Variants in STK32A observed in about 807,000 individuals in gnomAD.
STK32A encodes the protein serine/threonine-protein kinase 32A.
A neutral mutation model predicts 53.2 loss-of-function variants in STK32A; 41 were observed. The observed-to-expected ratio is 0.77, with a 90% CI of 0.60 to 1.00. The LOEUF (loss-of-function observed/expected upper bound fraction) is 1.00, where lower values mean the gene tolerates loss of function less well. STK32A is among the 50% of genes least tolerant of loss of function. The pLI, the probability that STK32A is intolerant of heterozygous loss-of-function variation, is 0.00. For missense variants in STK32A, 458 were observed against 485.8 expected, an observed-to-expected ratio of 0.94 and a Z score of 0.54; for synonymous variants, 166 against 162.8, an observed-to-expected ratio of 1.02 and a Z score of -0.15.
At chr5:147,316,106 G>A (rs1051315304) in intron 4 of STK32A, among the ~76,000 whole-genome samples, 10 of 152,126 alleles carry the variant, frequency 6.6e-5, no homozygotes, top group African/African-American at 2.2e-4. Flanking sequence ...GGCATTGTTG[G>A]GGGTAATGTT....
chr5:147,305,818 G>C (rs1207186047), intron 4 of STK32A, among the ~76,000 whole-genome samples: 1 of 151,868 alleles, frequency 6.6e-6, no homozygotes, highest in Non-Finnish European at 1.5e-5. Context: ...GACTTTCGCA[G>C]AGTACTACTA....
intron 2 of STK32A, among the ~76,000 whole-genome samples, chr5:147,266,136 A>G (rs1754798036): frequency 6.6e-6 from 1 of 152,164 alleles, no homozygotes; most frequent in African/African-American, 2.4e-5. Context: ...CTGACAAAGC[A>G]AATACCCTCT....
chr5:147,314,412 C>T (rs1753856294), intron 4 of STK32A, among the ~76,000 whole-genome samples: 1 of 148,674 alleles, frequency 6.7e-6, no homozygotes, highest in Non-Finnish European at 1.5e-5. Flanking sequence ...GCAGGAGAAT[C>T]ACTTGAACCT....
chr5:147,329,415 A>T (rs1273162201), intron 5 of STK32A, among the ~76,000 whole-genome samples: 1 of 152,242 alleles, frequency 6.6e-6, no homozygotes, highest in Non-Finnish European at 1.5e-5. Flanking sequence ...TTCAAAAATT[A>T]TTTACTGGGT....
At chr5:147,347,958 T>A (rs892529836) in intron 6 of STK32A, among the ~76,000 whole-genome samples, 2 of 152,056 alleles carry the variant, frequency 1.3e-5, no homozygotes, top group African/African-American at 4.8e-5. Flanking sequence ...AATTTCTCCC[T>A]CTCCTTAAAT....
chr5:147,250,941 C>CAAAAAAAA (rs71001422), intron 2 of STK32A, among the ~76,000 whole-genome samples: 1 of 101,178 alleles, frequency 9.9e-6, no homozygotes, highest in Non-Finnish European at 2.0e-5. Flanking sequence ...GACTCCATCT[C>CAAAAAAAA]AAAAAAAAAA....
intron 3 of STK32A, 41 bp downstream of exon 3, chr5:147,278,220 G>A: frequency 5.9e-6 from 9 of 1,522,900 alleles, no homozygotes; most frequent in Non-Finnish European, 8.1e-6. Flanking sequence ...GCAGGGTTAT[G>A]TAGCCCAGGG....
chr5:147,335,099 G>A (rs1257356879), intron 5 of STK32A, among the ~76,000 whole-genome samples: 6 of 152,220 alleles, frequency 3.9e-5, no homozygotes, highest in South Asian at 4.1e-4. Context: ...TGATTGTACC[G>A]TACTTACCTA....
rs187774703 is a variant in STK32A, at chr5:147,315,843, G to A, written c.261-8055G>A. Among the ~76,000 whole-genome samples the A allele has an allele frequency of 2.0e-4, 30 of 152,128 alleles. No individual in the cohort carries two copies. The East Asian group carries it at 3.3e-3, about 17-fold the overall frequency. ...CTTTTCTCAGTATACCTTGTTTTTC[G>A]TATTTGACTTTGAAAATATGTACAT... On this transcript the variant is annotated intron_variant, in intron 4 of 12. Coordinates refer to ENST00000397936, the MANE Select transcript of STK32A (RefSeq NM_001112724.2).
At chr5:147,266,840 A>T (rs948621204) in intron 2 of STK32A, among the ~76,000 whole-genome samples, 37 of 152,190 alleles carry the variant, frequency 2.4e-4, no homozygotes, top group Admixed American at 3.9e-4. Context: ...GCCTGATAAC[A>T]TAGAGAAACC....
chr5:147,284,856 T>C (rs968824802), intron 4 of STK32A, among the ~76,000 whole-genome samples: 7 of 152,124 alleles, frequency 4.6e-5, no homozygotes, highest in Non-Finnish European at 1.0e-4. Context: ...AAATCAGTAT[T>C]GTGAAAAATA....
rs1384325862 is a variant in STK32A at position 147,361,408 on chromosome 5, A to G, written c.563-109A>G. 5 of 761,382 alleles carry G rather than the reference A, an allele frequency of 6.6e-6. No homozygotes were observed. In the East Asian group the frequency reaches 1.3e-4, roughly 21 times the overall value. 47.2% of individuals were successfully genotyped at this position (761,382 alleles called of 1,614,324 possible). A position where few individuals can be genotyped will look rare whatever the true frequency, so the allele number is the denominator to read the frequency against. ...GCAACGGATGATAAACATCCATAAAAGTGTTTATATTTTTGATCCTGGTAA... is the reference window on the plus strand; with the variant it reads ...GCAACGGATGATAAACATCCATAAAGGTGTTTATATTTTTGATCCTGGTAA... On this transcript the variant is annotated intron_variant, in intron 7 of 12. Coordinates refer to ENST00000397936, the MANE Select transcript of STK32A (RefSeq NM_001112724.2).
At chr5:147,296,916 CT>C (rs1752893447) in intron 4 of STK32A, among the ~76,000 whole-genome samples, 1 of 152,102 alleles carries the variant, frequency 6.6e-6, no homozygotes. Context: ...TTGTGAAGCT[CT>C]TTAATGAACA....
At chr5:147,243,624 C>A (rs1753666090) in intron 2 of STK32A, among the ~76,000 whole-genome samples, 1 of 151,814 alleles carries the variant, frequency 6.6e-6, no homozygotes, top group Non-Finnish European at 1.5e-5. Context: ...GCCTGTAGTC[C>A]CAGCTATTCA....
chr5:147,275,961 C>G (rs758707063), intron 2 of STK32A, among the ~76,000 whole-genome samples: 1 of 152,152 alleles, frequency 6.6e-6, no homozygotes, highest in African/African-American at 2.4e-5. Flanking sequence ...TTTCTAGGTA[C>G]CTGCTGCATC....
At chr5:147,358,737 A>T (rs1022107399) in intron 7 of STK32A, among the ~76,000 whole-genome samples, 1 of 151,506 alleles carries the variant, frequency 6.6e-6, no homozygotes. Flanking sequence ...CAAGGCATAG[A>T]TTTTTTTTTG....
At chr5:147,341,588 T>C (rs1404476522) in intron 5 of STK32A, among the ~76,000 whole-genome samples, 2 of 152,190 alleles carry the variant, frequency 1.3e-5, no homozygotes, top group African/African-American at 2.4e-5. Context: ...GCTCAGGTGA[T>C]ATCCCTCTTC....
chr5:147,249,388 T>C (rs2400284), intron 2 of STK32A, among the ~76,000 whole-genome samples: 36,919 of 152,042 alleles, frequency 0.24, 4,527 homozygotes, highest in Admixed American at 0.3. Context: ...CAATAAATGT[T>C]AGCTATTATT....
Position 147,384,253 on chromosome 5 carries a change from T to C in STK32A, c.*270T>C. The stretch of plus-strand genomic sequence containing the variant: ...TTATTTATCTAAAATGAGAGGGTTA[T>C]ACTAGACGAGCCATACCCTGCCTTT... On this transcript the variant is annotated 3_prime_UTR_variant, in exon 13 of 13. Coordinates refer to ENST00000397936, the MANE Select transcript of STK32A (RefSeq NM_001112724.2). The C allele has an allele frequency of 7.4e-7, 1 of 1,343,116 alleles. No individual in the cohort carries two copies. The highest frequency in any genetic ancestry group is 9.8e-7 in the Non-Finnish European group (1 of 1,025,286). 83.2% of individuals were successfully genotyped at this position (1,343,116 alleles called of 1,614,324 possible).
Sources: allele counts gnomAD v4.1 joint callset (sites outside exome capture counted in the v4.1 genomes callset), GRCh38; gene constraint gnomAD v4.1.1; transcripts MANE v1.5; gene names NCBI Gene and HGNC (gene_info 2026-07-23, HGNC 2026-07-21).